KIRREL3: variants seen among roughly 807,000 people sequenced by gnomAD.
KIRREL3 encodes kirre like nephrin family adhesion molecule 3.
A neutral mutation model predicts 89.7 loss-of-function variants in KIRREL3; 36 were observed. The observed-to-expected ratio is 0.40, with a 90% CI of 0.31 to 0.53. The LOEUF is 0.53. Among genes scored for constraint, KIRREL3 ranks in the 20% least tolerant of loss-of-function variants. The pLI, the probability that KIRREL3 is intolerant of heterozygous loss-of-function variation, is 0.49. For synonymous variants in KIRREL3, 445 were observed against 441.4 expected (o/e 1.01, Z -0.10); for missense variants, 864 against 1,056.6 (o/e 0.82, Z 2.53).
At position 126,859,228 on chromosome 11, in the gene KIRREL3, G is replaced by T. The variant is rs574314603; in HGVS notation, c.55+141227C>A. Among the ~76,000 whole-genome samples the T allele has an allele frequency of 1.1e-3, 163 of 152,316 alleles. 2 individuals are homozygous for T. The highest frequency in any genetic ancestry group is 3.6e-3 in the African/African-American group (149 of 41,566). ...ACAGGCTATCTGGGGGTGAAAAGTG[G>T]TAATGATAATGAAAGCAAATATGGA... is the stretch of plus-strand genomic sequence containing the variant. On this transcript the variant is annotated intron_variant, in intron 1 of 16. Transcript: ENST00000525144.
rs576643465 is a variant in KIRREL3 at position 126,614,247 on chromosome 11, T to A, written c.56-51335A>T. Among the ~76,000 whole-genome samples, 3 of 152,230 alleles carry A rather than the reference T, an allele frequency of 2.0e-5. No homozygotes were observed. In the East Asian group the frequency reaches 5.8e-4, roughly 29 times the overall value. On this transcript the variant is annotated intron_variant, in intron 1 of 16. Transcript: ENST00000525144. The surrounding 1 kb of genome is among the most constrained non-coding windows in gnomAD (Gnocchi z 4.6). Reference sequence around the variant, plus strand: ...AATGGCATACCCCTTAGATTCCAGTTCCTAAGTCAGAATGTTAATTTCCAG... The same window carrying A: ...AATGGCATACCCCTTAGATTCCAGTACCTAAGTCAGAATGTTAATTTCCAG...
At chr11:126,932,280 A>G (rs1947980263) in intron 1 of KIRREL3, among the ~76,000 whole-genome samples, 1 of 152,182 alleles carries the variant, frequency 6.6e-6, no homozygotes, top group African/African-American at 2.4e-5. Context: ...GCTGATTTCA[A>G]ATAGTACATT....
intron 10 of KIRREL3, 117 bp from the exon 11 acceptor site, chr11:126,440,666 A>G (rs1955529222): frequency 1.1e-6 from 1 of 946,240 alleles, no homozygotes; most frequent in Admixed American, 2.0e-5. Flanking sequence ...CATTTGCCGA[A>G]GGCCTGTATG....
Position 126,576,926 on chromosome 11 carries a change from T to G in KIRREL3, c.56-14014A>C, listed in dbSNP as rs532724131. Among the ~76,000 whole-genome samples, 34 of 152,286 alleles carry G rather than the reference T, an allele frequency of 2.2e-4. No individual in the cohort carries two copies. The highest frequency in any genetic ancestry group is 1.4e-3 in the Admixed American group (22 of 15,298). ...CACAGTTATGCCATTTAGTCCACAC[T>G]GTAACTGGGGAGGGAGTTGTTGCTT... On this transcript the variant is annotated intron_variant, in intron 1 of 16. Coordinates refer to ENST00000525144, the MANE Select transcript of KIRREL3 (RefSeq NM_032531.4). This position sits in a 1 kb window ranked among gnomAD's most constrained non-coding sequence, Gnocchi z 5.4.
At position 126,715,805 on chromosome 11, in the gene KIRREL3, C is replaced by T. The variant is rs1387051541; in HGVS notation, c.56-152893G>A. Among the ~76,000 whole-genome samples, 3 of 152,170 alleles carry T rather than the reference C, an allele frequency of 2.0e-5. No individual in the cohort carries two copies. The highest frequency in any genetic ancestry group is 4.8e-5 in the African/African-American group (2 of 41,444). On this transcript the variant is annotated intron_variant, in intron 1 of 16. Transcript: ENST00000525144. This position sits in a 1 kb window ranked among gnomAD's most constrained non-coding sequence, Gnocchi z 4.4. The stretch of plus-strand genomic sequence containing the variant: ...GTTCAAACACCATCCACGATGAACA[C>T]GGTTGCAGAGAGGCCAGTGTTCCAC...
At chr11:126,706,121 G>T (rs556074306) in intron 1 of KIRREL3, among the ~76,000 whole-genome samples, 1 of 152,178 alleles carries the variant, frequency 6.6e-6, no homozygotes, top group Admixed American at 6.5e-5. Flanking sequence ...GTCACTATAC[G>T]GAGCAGGTGA....
At chr11:126,992,128 G>T (rs1051226638) in intron 1 of KIRREL3, among the ~76,000 whole-genome samples, 1 of 152,172 alleles carries the variant, frequency 6.6e-6, no homozygotes, top group Non-Finnish European at 1.5e-5. Flanking sequence ...AAAAGAATTT[G>T]CCAGGCACCT....
chr11:126,437,598 A>C (rs922612222), intron 11 of KIRREL3, among the ~76,000 whole-genome samples: 1 of 152,206 alleles, frequency 6.6e-6, no homozygotes, highest in African/African-American at 2.4e-5. Context: ...CACAACATGC[A>C]TACACACATC....
chr11:126,573,806 G>T (rs1301321952), intron 1 of KIRREL3, among the ~76,000 whole-genome samples: 2 of 152,220 alleles, frequency 1.3e-5, no homozygotes, highest in East Asian at 3.9e-4. Context: ...CCCACTTCAG[G>T]TCAAGAGAGG....
chr11:126,820,704 G>C (rs1272415144), intron 1 of KIRREL3, among the ~76,000 whole-genome samples: 2 of 152,070 alleles, frequency 1.3e-5, no homozygotes, highest in Admixed American at 6.5e-5. Context: ...CACAAGCAGA[G>C]TCTCAGCGGG....
chr11:126,887,014 C>T (rs759714887), intron 1 of KIRREL3, among the ~76,000 whole-genome samples: 4 of 152,138 alleles, frequency 2.6e-5, no homozygotes, highest in African/African-American at 7.2e-5. Flanking sequence ...AAGGTGAACA[C>T]GTGAGTTAGT....
intron 1 of KIRREL3, among the ~76,000 whole-genome samples, chr11:126,619,512 G>A (rs919515434): frequency 5.9e-5 from 9 of 152,196 alleles, no homozygotes; most frequent in African/African-American, 2.2e-4. Flanking sequence ...AGACTGGATT[G>A]CAGGAGGCAC....
At chr11:126,604,647 G>A (rs1942812947) in intron 1 of KIRREL3, among the ~76,000 whole-genome samples, 1 of 152,184 alleles carries the variant, frequency 6.6e-6, no homozygotes, top group African/African-American at 2.4e-5. Context: ...ACATGGGGGT[G>A]GGTGGGTGTT....
intron 10 of KIRREL3, 70 bp downstream of exon 10, chr11:126,444,909 G>T: frequency 6.3e-7 from 1 of 1,597,366 alleles, no homozygotes; most frequent in Non-Finnish European, 8.5e-7. Flanking sequence ...TTGGGGCTAT[G>T]CCTGGTGCCA....
intron 1 of KIRREL3, among the ~76,000 whole-genome samples, chr11:126,824,128 C>T (rs780086269): frequency 5.3e-5 from 8 of 152,172 alleles, no homozygotes; most frequent in Non-Finnish European, 8.8e-5. Context: ...CAGCGTGGCT[C>T]GCCCATGGGG....
rs1357979742 is a variant in KIRREL3, at chr11:126,993,229, A to G, written c.55+7226T>C. Among the ~76,000 whole-genome samples the G allele has an allele frequency of 1.3e-5, 2 of 152,108 alleles. No individual in the cohort carries two copies. The highest frequency in any genetic ancestry group is 4.8e-5 in the African/African-American group (2 of 41,414). ...CTCAGGTGTTTACTTAATTATCTCA[A>G]TCCATCCTCAAAAGATGTATAATGG... On this transcript the variant is annotated intron_variant, in intron 1 of 16. Coordinates refer to ENST00000525144, the MANE Select transcript of KIRREL3 (RefSeq NM_032531.4). This position sits in a 1 kb window ranked among gnomAD's most constrained non-coding sequence, Gnocchi z 6.1.
In KIRREL3 at chr11:126,564,680, C is replaced by G. The variant is rs1025436156; in HGVS notation, c.56-1768G>C. On this transcript the variant is annotated intron_variant, in intron 1 of 16. Transcript: ENST00000525144. The surrounding 1 kb of genome is among the most constrained non-coding windows in gnomAD (Gnocchi z 7.4). ...GGCCCTTTCTTCAGGGGCTCCTGCT[C>G]TGTCGCAGGCCTCATGGATCAAAGC... Among the ~76,000 whole-genome samples, 19 of 152,228 alleles carry G rather than the reference C, an allele frequency of 1.2e-4. No individual in the cohort carries two copies. Among genetic ancestry groups the G allele is most frequent in the African/African-American group, 4.1e-4 (17 of 41,472 alleles).
rs1946231992 is a variant in KIRREL3 at position 126,677,158 on chromosome 11, C to G, written c.56-114246G>C. Among the ~76,000 whole-genome samples, 1 of 152,110 alleles carries G rather than the reference C, an allele frequency of 6.6e-6. No homozygotes were observed. Among genetic ancestry groups the G allele is most frequent in the Non-Finnish European group, 1.5e-5 (1 of 68,024 alleles). On this transcript the variant is annotated intron_variant, in intron 1 of 16. Transcript: ENST00000525144. The surrounding 1 kb of genome is among the most constrained non-coding windows in gnomAD (Gnocchi z 5.1). ...ATTCGCAGATTTGCACAACCACCAC[C>G]ACAGTCCATTTAGAACCTTTTAAAA...
At chr11:126,962,794 C>T (rs979026831) in intron 1 of KIRREL3, among the ~76,000 whole-genome samples, 1 of 152,070 alleles carries the variant, frequency 6.6e-6, no homozygotes, top group Non-Finnish European at 1.5e-5. Context: ...AAGAAATTGC[C>T]ACAGCCACTC....
Sources: allele counts gnomAD v4.1 joint callset (sites outside exome capture counted in the v4.1 genomes callset), GRCh38; gene constraint gnomAD v4.1.1; non-coding constraint Gnocchi (gnomAD v3.1); transcripts MANE v1.5; gene names NCBI Gene and HGNC (gene_info 2026-07-23, HGNC 2026-07-21).